ROBO2: variants seen among roughly 807,000 people sequenced by gnomAD.
ROBO2 encodes the protein roundabout homolog 2.
In ROBO2, 53 loss-of-function variants were observed where a neutral mutation model predicts 160.8. That is an observed-to-expected ratio of 0.33 (90% confidence interval 0.26 to 0.41). ROBO2 has a LOEUF of 0.41. Among genes scored for constraint, ROBO2 ranks in the 10% least tolerant of loss-of-function variants. The probability of loss-of-function intolerance (pLI) is 1.00; values close to 1 mark genes in which losing one functional copy is unlikely to be tolerated. For synonymous variants in ROBO2, 664 were observed against 611.7 expected (o/e 1.09, Z -1.26); for missense variants, 1,577 against 1,722.4 (o/e 0.92, Z 1.49).
chr3:75,996,720 T>TATTCTGATATATGTAAATCATCA (rs11270255), intron 2 of ROBO2, among the ~76,000 whole-genome samples: 2 of 137,158 alleles, frequency 1.5e-5, no homozygotes, highest in African/African-American at 2.6e-5. Flanking sequence ...AATGAATATC[T>TATTCTGATATATGTAAATCATCA]ATTCTGATAT....
intron 6 of ROBO2, among the ~76,000 whole-genome samples, chr3:77,541,532 C>T (rs1290699451): frequency 6.6e-6 from 1 of 152,182 alleles, no homozygotes; most frequent in Non-Finnish European, 1.5e-5. Flanking sequence ...GTGAACTGTC[C>T]CAGACCTCTA....
At position 76,430,830 on chromosome 3, in the gene ROBO2, G is replaced by A. The variant is rs879403532; in HGVS notation, c.109+493228G>A. Among the ~76,000 whole-genome samples, 22 of 151,966 alleles carry A rather than the reference G, an allele frequency of 1.4e-4. No individual in the cohort carries two copies. In the East Asian group the frequency reaches 1.7e-3, roughly 12 times the overall value. On this transcript the variant is annotated intron_variant, in intron 2 of 26. Transcript: ENST00000487694. ...AATTACAGCAGCTGGAACATTTTGCGTATATGTTATTTGAAAAATAATGCT... is the reference window on the plus strand; with the variant it reads ...AATTACAGCAGCTGGAACATTTTGCATATATGTTATTTGAAAAATAATGCT...
intron 16 of ROBO2, among the ~76,000 whole-genome samples, chr3:77,586,383 C>T (rs932943121): frequency 6.6e-6 from 1 of 152,112 alleles, no homozygotes; most frequent in Admixed American, 6.6e-5. Flanking sequence ...CAGCTGCAAA[C>T]TTTCACGGTA....
chr3:77,027,928 G>T (rs540342432), intron 2 of ROBO2, among the ~76,000 whole-genome samples: 15 of 152,206 alleles, frequency 9.9e-5, no homozygotes, highest in East Asian at 7.8e-4. Context: ...CTCAATAAAA[G>T]CTACAAAGCA....
chr3:76,914,648 T>C (rs923317421), intron 2 of ROBO2, among the ~76,000 whole-genome samples: 12 of 152,266 alleles, frequency 7.9e-5, no homozygotes, highest in African/African-American at 2.9e-4. Context: ...GTGCAGTTAT[T>C]GGGACAAATT....
intron 2 of ROBO2, among the ~76,000 whole-genome samples, chr3:77,434,083 A>G (rs2079053578): frequency 6.6e-6 from 1 of 151,770 alleles, no homozygotes; most frequent in Admixed American, 6.6e-5. Flanking sequence ...ACCTCCTTTT[A>G]CTTTTTGGAA....
At chr3:77,198,150 T>C (rs2082478881) in intron 2 of ROBO2, among the ~76,000 whole-genome samples, 1 of 152,192 alleles carries the variant, frequency 6.6e-6, no homozygotes, top group Non-Finnish European at 1.5e-5. Context: ...TTTTCAAATT[T>C]TGATAACCCA....
intron 2 of ROBO2, among the ~76,000 whole-genome samples, chr3:76,396,751 G>A (rs1317370047): frequency 2.0e-5 from 3 of 152,082 alleles, no homozygotes; most frequent in Non-Finnish European, 1.5e-5. Flanking sequence ...AAATACCTAG[G>A]AATCCAACTT....
chr3:77,441,163 A>G (rs1389182401), intron 2 of ROBO2, among the ~76,000 whole-genome samples: 3 of 151,948 alleles, frequency 2.0e-5, no homozygotes, highest in African/African-American at 7.3e-5. Context: ...TCGTTGCCCA[A>G]CTGGCTTTAC....
At chr3:76,768,648 T>G (rs1325951869) in intron 2 of ROBO2, among the ~76,000 whole-genome samples, 1 of 150,500 alleles carries the variant, frequency 6.6e-6, no homozygotes, top group Admixed American at 6.7e-5. Flanking sequence ...CAAAATGTAA[T>G]ATAATATATA....
At chr3:76,493,741 C>T (rs775282315) in intron 2 of ROBO2, among the ~76,000 whole-genome samples, 1 of 152,080 alleles carries the variant, frequency 6.6e-6, no homozygotes, top group Non-Finnish European at 1.5e-5. Flanking sequence ...GGTCCCTGAC[C>T]CCTTTGCTAA....
chr3:76,429,187 C>T (rs3913585), intron 2 of ROBO2, among the ~76,000 whole-genome samples: 106,938 of 151,314 alleles, frequency 0.71, 38,462 homozygotes, highest in African/African-American at 0.84. Context: ...CACACACACA[C>T]ACACACCCAC....
chr3:76,768,713 A>G (rs2061708389), intron 2 of ROBO2, among the ~76,000 whole-genome samples: 1 of 150,966 alleles, frequency 6.6e-6, no homozygotes, highest in Non-Finnish European at 1.5e-5. Flanking sequence ...ATTTTAGGCT[A>G]GTTAACAGAA....
chr3:76,362,679 A>G (rs1239939669), intron 2 of ROBO2, among the ~76,000 whole-genome samples: 4 of 152,124 alleles, frequency 2.6e-5, no homozygotes, highest in African/African-American at 4.8e-5. Context: ...CACAGGGCAA[A>G]GAAACTTTTA....
chr3:77,221,791 A>G (rs1560275455), intron 2 of ROBO2, among the ~76,000 whole-genome samples: 1 of 150,876 alleles, frequency 6.6e-6, no homozygotes, highest in South Asian at 2.1e-4. Flanking sequence ...AATATGCTAT[A>G]TATTTGTTTT....
At chr3:77,626,450 A>C (rs2095029263) in intron 23 of ROBO2, among the ~76,000 whole-genome samples, 1 of 152,200 alleles carries the variant, frequency 6.6e-6, no homozygotes, top group African/African-American at 2.4e-5. Flanking sequence ...AAAATACAAC[A>C]TATTTATTTA....
At chr3:76,292,079 G>A (rs964507189) in intron 2 of ROBO2, among the ~76,000 whole-genome samples, 2 of 152,022 alleles carry the variant, frequency 1.3e-5, no homozygotes, top group Non-Finnish European at 2.9e-5. Context: ...TTTCTGCCTC[G>A]ATGATCTGTC....
chr3:77,363,918 G>A (rs1425092093), intron 2 of ROBO2, among the ~76,000 whole-genome samples: 3 of 152,112 alleles, frequency 2.0e-5, no homozygotes, highest in Non-Finnish European at 2.9e-5. Flanking sequence ...TGGGAGAAGG[G>A]CAGACAGAGG....
intron 17 of ROBO2, among the ~76,000 whole-genome samples, chr3:77,594,466 G>A (rs146696192): frequency 6.6e-6 from 1 of 152,018 alleles, no homozygotes; most frequent in Non-Finnish European, 1.5e-5. Flanking sequence ...GATGCTTATT[G>A]GTGTTGCTAA....
Sources: allele counts gnomAD v4.1 joint callset (sites outside exome capture counted in the v4.1 genomes callset), GRCh38; gene constraint gnomAD v4.1.1; transcripts MANE v1.5; gene names NCBI Gene and HGNC (gene_info 2026-07-23, HGNC 2026-07-21).